Variants in MIS18A observed in about 807,000 individuals in gnomAD.
MIS18A encodes protein Mis18-alpha.
A neutral mutation model predicts 25.0 loss-of-function variants in MIS18A; 14 were observed. The ratio of observed to expected loss-of-function variants is 0.56; its 90% confidence interval spans 0.37 to 0.88. The LOEUF is 0.88. Ranked by LOEUF, MIS18A falls within the 40% of genes least tolerant of loss-of-function variation. The pLI, the probability that MIS18A is intolerant of heterozygous loss-of-function variation, is 0.00. For synonymous variants in MIS18A, 134 were observed against 118.6 expected, an observed-to-expected ratio of 1.13 and a Z score of -0.84; for missense variants, 292 against 290.8, an observed-to-expected ratio of 1.00 and a Z score of -0.03.
At chr21:32,196,657 T>C in the MIS18A span, among the ~76,000 whole-genome samples, 1 of 152,106 alleles carries the variant, frequency 6.6e-6, no homozygotes, top group Non-Finnish European at 1.5e-5. Flanking sequence ...TTTTGCCACG[T>C]TGGCCAGGCT....
At chr21:32,232,543 T>C in the MIS18A span, among the ~76,000 whole-genome samples, 1 of 152,020 alleles carries the variant, frequency 6.6e-6, no homozygotes, top group Non-Finnish European at 1.5e-5. Flanking sequence ...TGTGTATATA[T>C]ATAATTGAAT....
the MIS18A span, chr21:32,156,364 G>A: frequency 6.6e-6 from 1 of 152,130 alleles, no homozygotes; most frequent in Non-Finnish European, 1.5e-5. Flanking sequence ...GCCAGTAAAT[G>A]CCCCATCAAA....
the MIS18A span, among the ~76,000 whole-genome samples, chr21:32,237,866 A>T: frequency 6.6e-6 from 1 of 152,122 alleles, no homozygotes; most frequent in Non-Finnish European, 1.5e-5. Context: ...AAGGCTAAGG[A>T]TAGTCTTAAC....
chr21:32,255,279 A>G, the MIS18A span, among the ~76,000 whole-genome samples: 1 of 151,286 alleles, frequency 6.6e-6, no homozygotes, highest in African/African-American at 2.4e-5. Context: ...TGCTCAGGGT[A>G]GAGTGCGGTG....
chr21:32,236,210 TAAA>T, the MIS18A span, among the ~76,000 whole-genome samples: 5 of 145,632 alleles, frequency 3.4e-5, no homozygotes, highest in African/African-American at 1.0e-4. Flanking sequence ...CCGTCTCTAC[TAAA>T]AAAAAAAAAA....
chr21:32,187,847 C>T, the MIS18A span, among the ~76,000 whole-genome samples: 1 of 152,006 alleles, frequency 6.6e-6, no homozygotes, highest in African/African-American at 2.4e-5. Context: ...ACTGAATGCC[C>T]CAAAATTCGT....
At chr21:32,222,399 C>T in the MIS18A span, among the ~76,000 whole-genome samples, 5 of 152,164 alleles carry the variant, frequency 3.3e-5, no homozygotes, top group Non-Finnish European at 5.9e-5. Context: ...AGAAAATTAA[C>T]AAGGATATTC....
At chr21:32,255,525 G>A in the MIS18A span, among the ~76,000 whole-genome samples, 2 of 150,468 alleles carry the variant, frequency 1.3e-5, no homozygotes, top group East Asian at 2.0e-4. Context: ...GAGCCACCGC[G>A]CTTGGCATTC....
chr21:32,204,299 C>A, the MIS18A span, among the ~76,000 whole-genome samples: 1 of 151,678 alleles, frequency 6.6e-6, no homozygotes, highest in Non-Finnish European at 1.5e-5. Context: ...CAGTTCAAGA[C>A]CAGCCTGGCC....
chr21:32,214,863 G>A, the MIS18A span, among the ~76,000 whole-genome samples: 200 of 152,286 alleles, frequency 1.3e-3, no homozygotes, highest in Middle Eastern at 6.8e-3. Context: ...CCCCAGCCCC[G>A]GAGCCTCTGG....
At chr21:32,221,391 GT>G in the MIS18A span, among the ~76,000 whole-genome samples, 8 of 152,228 alleles carry the variant, frequency 5.3e-5, no homozygotes, top group African/African-American at 1.9e-4. Context: ...AGCTTCATAA[GT>G]AAAGGAGAAA....
chr21:32,170,473 A>G, the MIS18A span, among the ~76,000 whole-genome samples: 5 of 152,290 alleles, frequency 3.3e-5, no homozygotes, highest in East Asian at 1.9e-4. Flanking sequence ...ATTCTGGAGT[A>G]GAAAAGTAGA....
the MIS18A span, among the ~76,000 whole-genome samples, chr21:32,172,748 G>C: frequency 6.6e-6 from 1 of 151,980 alleles, no homozygotes; most frequent in African/African-American, 2.4e-5. Flanking sequence ...CATGATACTG[G>C]CATAAGGATA....
rs558283098 is a variant in MIS18A, at chr21:32,276,665, T to G, written c.335-1769A>C. 2.9e-4 allele frequency among the ~76,000 whole-genome samples: 44 copies of G among 151,742 alleles called. No individual in the cohort carries two copies. The South Asian group carries it at 9.0e-3, about 31-fold the overall frequency. On this transcript the variant is annotated intron_variant, in intron 1 of 4. Transcript: ENST00000290130. ...ACTTTATAGGATTGGGTGCTGTAAC[T>G]CACATCTGTACTCCCAGCACTTTAG...
At chr21:32,197,399 T>C in the MIS18A span, among the ~76,000 whole-genome samples, 1 of 152,222 alleles carries the variant, frequency 6.6e-6, no homozygotes, top group African/African-American at 2.4e-5. Context: ...AGTTCTTGCA[T>C]GATACATGGA....
At chr21:32,171,855 A>G in the MIS18A span, among the ~76,000 whole-genome samples, 1 of 152,042 alleles carries the variant, frequency 6.6e-6, no homozygotes, top group African/African-American at 2.4e-5. Flanking sequence ...ACCTAAAAAC[A>G]TGCAAAGATA....
At chr21:32,223,418 T>C in the MIS18A span, among the ~76,000 whole-genome samples, 2 of 151,904 alleles carry the variant, frequency 1.3e-5, no homozygotes, top group African/African-American at 2.4e-5. Context: ...AAGAATCAAA[T>C]AGACACAATA....
At chr21:32,193,965 G>A in the MIS18A span, among the ~76,000 whole-genome samples, 1 of 152,054 alleles carries the variant, frequency 6.6e-6, no homozygotes, top group Admixed American at 6.6e-5. Flanking sequence ...CTGTACCCAC[G>A]AGAGGCCAGT....
the MIS18A span, among the ~76,000 whole-genome samples, chr21:32,252,233 AAGAAGAAGG>A: frequency 0.011 from 601 of 53,704 alleles, 1 homozygote; most frequent in South Asian, 0.026. Context: ...GAAGAAGAAG[AAGAAGAAGG>A]AGGAGGAGGA....
Sources: allele counts gnomAD v4.1 joint callset (sites outside exome capture counted in the v4.1 genomes callset), GRCh38; gene constraint gnomAD v4.1.1; transcripts MANE v1.5; gene names NCBI Gene and HGNC (gene_info 2026-07-23, HGNC 2026-07-21).